Variants in HAUS7 observed in about 807,000 individuals in gnomAD.
HAUS7 encodes HAUS augmin like complex subunit 7.
Under a neutral mutation model 28.4 loss-of-function variants are expected in HAUS7, and 3 were observed. The ratio of observed to expected loss-of-function variants is 0.11; its 90% CI spans 0.05 to 0.27. HAUS7 has a LOEUF of 0.27. Ranked by LOEUF, HAUS7 falls within the 10% of genes least tolerant of loss-of-function variation. The pLI is 1.00. For missense variants in HAUS7, 284 were observed against 297.3 expected (o/e 0.96, Z 0.33); for synonymous variants, 165 against 132.1 (o/e 1.25, Z -1.71).
At chrX:153,458,289 G>A (rs782333669) in intron 4 of HAUS7, among the ~76,000 whole-genome samples, 7 of 113,079 alleles carry the variant, frequency 6.2e-5, no homozygotes, top group East Asian at 2.8e-4. Flanking sequence ...CTGCCTGCAC[G>A]GTGGTGCTGA....
intron 1 of HAUS7, among the ~76,000 whole-genome samples, chrX:153,476,063 G>C (rs782438412): frequency 4.5e-5 from 5 of 111,861 alleles, no homozygotes; most frequent in Admixed American, 9.4e-5. Flanking sequence ...TGACTCCTCT[G>C]CTTAGCAGTC....
At chrX:153,493,810 A>T (rs944799096) in intron 1 of HAUS7, among the ~76,000 whole-genome samples, 9 of 110,661 alleles carry the variant, frequency 8.1e-5, no homozygotes, top group African/African-American at 2.6e-4. Flanking sequence ...CCCAGACCCC[A>T]CCCCCCGGTT....
At chrX:153,462,465 C>A in intron 4 of HAUS7, 145 bp downstream of exon 4, 2 of 531,638 alleles carry the variant, frequency 3.8e-6, no homozygotes, top group Non-Finnish European at 6.4e-6. Flanking sequence ...GCAGCCTGCC[C>A]GGGCACCCAG....
At chrX:153,466,892 C>T (rs1307029031) in intron 2 of HAUS7, among the ~76,000 whole-genome samples, 6 of 112,348 alleles carry the variant, frequency 5.3e-5, no homozygotes, top group Admixed American at 9.4e-5. Context: ...TAGGGACACT[C>T]GACCAGTATA....
upstream of HAUS7, chrX:153,471,073 G>A: frequency 3.2e-6 from 1 of 311,780 alleles, no homozygotes; most frequent in African/African-American, 2.6e-5. Flanking sequence ...GGAGCCTTGG[G>A]TGCAGAATGG....
At chrX:153,477,332 C>T (rs1051308315) in intron 1 of HAUS7, among the ~76,000 whole-genome samples, 1 of 113,386 alleles carries the variant, frequency 8.8e-6, no homozygotes, top group African/African-American at 3.2e-5. Flanking sequence ...TTCCAGAATC[C>T]ATCCCCAGGC....
intron 9 of HAUS7, among the ~76,000 whole-genome samples, chrX:153,451,042 C>T (rs781982752): frequency 2.9e-4 from 33 of 112,303 alleles, no homozygotes; most frequent in African/African-American, 9.4e-4. Context: ...CCTAGAGAGG[C>T]CGATGCCCGC....
chrX:153,470,552 C>T lies in HAUS7; in HGVS notation c.6G>A (p.Ala2=), dbSNP rs781984001. The change falls in exon 1 of 10, where the codon GCG becomes GCA. Residue 2 remains alanine (A), a synonymous_variant. Coordinates refer to ENST00000370211, the MANE Select transcript of HAUS7 (RefSeq NM_001385482.1). M[A]GQDAGCGRGG... is the part of the protein sequence containing the mutation. ...CACGGCCGCAGCCAGCGTCCTGCCC[C>T]GCCATGTTTCGCGCTCCGAGCCGCG... 6.4e-5 allele frequency: 77 copies of T among 1,203,206 alleles called. No homozygotes were observed. The African/African-American group carries it at 1.1e-3, about 17-fold the overall frequency.
chrX:153,477,630 G>A (rs2089570786), intron 1 of HAUS7, among the ~76,000 whole-genome samples: 1 of 112,597 alleles, frequency 8.9e-6, no homozygotes, highest in Admixed American at 9.3e-5. Flanking sequence ...CCCTGTCCCA[G>A]CTTCGGCAGC....
At chrX:153,479,182 A>G in intron 1 of HAUS7, 1 of 202,424 alleles carries the variant, frequency 4.9e-6, no homozygotes, top group Non-Finnish European at 7.4e-6. Flanking sequence ...TCAGGGAGCA[A>G]GACCAACTTG....
rs781806470 is a variant in HAUS7 at position 153,485,937 on chromosome X, A to G, written c.-589+9437T>C. ...CTAGAGTTCCTGCACCTGTCCCACA[A>G]CAGGCTGCAGGCTGACGGCATCCAC... is the stretch of plus-strand genomic sequence containing the variant. On this transcript the variant is annotated intron_variant, in intron 1 of 5. Transcript: ENST00000370210. The G allele has an allele frequency of 9.5e-5, 92 of 967,148 alleles. No individual in the cohort carries two copies. In the South Asian group the frequency reaches 1.6e-3, roughly 17 times the overall value. The allele number at this position is 967,148 out of a possible 1,213,427, so 79.7% of individuals were successfully genotyped here. A position where few individuals can be genotyped will look rare whatever the true frequency, so the allele number is the denominator to read the frequency against.
upstream of HAUS7, among the ~76,000 whole-genome samples, chrX:153,474,369 C>T (rs782377352): frequency 1.2e-3 from 136 of 112,181 alleles, 1 homozygote; most frequent in African/African-American, 4.3e-3. Context: ...GAGCACATTC[C>T]GCAGCGCAGT....
chrX:153,473,058 C>T (rs1027141022), upstream of HAUS7, among the ~76,000 whole-genome samples: 6 of 111,994 alleles, frequency 5.4e-5, 1 homozygote, highest in Non-Finnish European at 9.4e-5. Context: ...TGGTGGCATT[C>T]GAGACCTCTC....
At chrX:153,472,437 C>T (rs2089533762), upstream of HAUS7, among the ~76,000 whole-genome samples, 1 of 89,618 alleles carries the variant, frequency 1.1e-5, no homozygotes, top group Non-Finnish European at 2.3e-5. Context: ...CACCACCCAC[C>T]ACCCACCACC....
chrX:153,451,075 C>T (rs2089233799), intron 9 of HAUS7, among the ~76,000 whole-genome samples: 1 of 112,454 alleles, frequency 8.9e-6, no homozygotes, highest in South Asian at 3.7e-4. Flanking sequence ...CCCCTGGCGT[C>T]TCTCCAGACC....
chrX:153,485,982 T>C (rs782445813), intron 1 of HAUS7: 8 of 978,907 alleles, frequency 8.2e-6, no homozygotes, highest in Non-Finnish European at 1.1e-5. Context: ...TTCCTGGGCC[T>C]GCGCGCCTCG....
intron 8 of HAUS7, 25 bp from the exon 9 acceptor site, chrX:153,454,533 G>GGAGGGAGGGAGGGAGC (rs2089279937): frequency 5.7e-6 from 2 of 347,833 alleles, no homozygotes; most frequent in African/African-American, 5.5e-5. Flanking sequence ...AGGGAGGGAG[G>GGAGGGAGGGAGGGAGC]GAGGGAGGGA....
intron 1 of HAUS7, among the ~76,000 whole-genome samples, chrX:153,490,207 T>A (rs1336102158): frequency 8.9e-6 from 1 of 112,253 alleles, no homozygotes; most frequent in East Asian, 2.8e-4. Context: ...CCATCTTCCA[T>A]CCTCTGGCCA....
chrX:153,449,035 C>T (rs1054689507), intron 9 of HAUS7, among the ~76,000 whole-genome samples: 3 of 111,946 alleles, frequency 2.7e-5, no homozygotes, highest in Non-Finnish European at 3.8e-5. Context: ...CCAGTGGCGA[C>T]CGTGGTGGCT....
Sources: allele counts gnomAD v4.1 joint callset (sites outside exome capture counted in the v4.1 genomes callset), GRCh38; gene constraint gnomAD v4.1.1; transcripts MANE v1.5; gene names NCBI Gene and HGNC (gene_info 2026-07-23, HGNC 2026-07-21).